Variants in TSHZ3 observed in about 807,000 individuals in gnomAD.
TSHZ3 encodes teashirt homolog 3.
A neutral mutation model predicts 64.5 loss-of-function variants in TSHZ3; 10 were observed. The ratio of observed to expected loss-of-function variants is 0.16; its 90% CI spans 0.10 to 0.26. The LOEUF (loss-of-function observed/expected upper bound fraction) is 0.26, where lower values mean the gene tolerates loss of function less well. Among genes scored for constraint, TSHZ3 ranks in the 10% least tolerant of loss-of-function variants. TSHZ3 has a pLI of 1.00. For missense variants in TSHZ3, 1,242 were observed against 1,421.7 expected, an observed-to-expected ratio of 0.87 and a Z score of 2.03; for synonymous variants, 608 against 593.1, an observed-to-expected ratio of 1.03 and a Z score of -0.36.
intron 4 of TSHZ3, among the ~76,000 whole-genome samples, chr19:31,207,964 C>T (rs1016887812): frequency 1.3e-5 from 2 of 152,178 alleles, no homozygotes; most frequent in African/African-American, 4.8e-5. Context: ...AGGACAAGCT[C>T]CTTGTTCTAA....
intron 1 of TSHZ3, among the ~76,000 whole-genome samples, chr19:31,301,639 C>G (rs1287507897): frequency 6.6e-6 from 1 of 152,170 alleles, no homozygotes; most frequent in East Asian, 1.9e-4. Flanking sequence ...CAAGGTCCAC[C>G]CTCAGGCCTC....
chr19:31,234,052 A>G (rs1975575975), intron 3 of TSHZ3, among the ~76,000 whole-genome samples: 1 of 152,078 alleles, frequency 6.6e-6, no homozygotes, highest in Admixed American at 6.6e-5. Flanking sequence ...CTAACAGGAC[A>G]TGTCTTTCAG....
At chr19:31,209,510 T>C (rs1357875055) in intron 4 of TSHZ3, among the ~76,000 whole-genome samples, 1 of 152,186 alleles carries the variant, frequency 6.6e-6, no homozygotes, top group Admixed American at 6.5e-5. Context: ...TAGGAGCAGT[T>C]TGTGCCTGTT....
intron 1 of TSHZ3, among the ~76,000 whole-genome samples, chr19:31,286,372 T>C (rs1249892230): frequency 6.6e-6 from 1 of 152,142 alleles, no homozygotes; most frequent in East Asian, 1.9e-4. Flanking sequence ...GCCCACATGA[T>C]GGAAAAACAA....
At position 31,176,788 on chromosome 19, in the gene TSHZ3, A is replaced by C. The variant is rs1332926048; in HGVS notation, n.810-20371T>G. 2.6e-5 allele frequency among the ~76,000 whole-genome samples: 4 copies of C among 152,034 alleles called. No homozygotes were observed. In the East Asian group the frequency reaches 7.7e-4, roughly 29 times the overall value. ...CTGGGTGACAGAGACTCTGTCTCTT[A>C]AAAAAAGGAAATACTGAAAAACAAC... is the stretch of plus-strand genomic sequence containing the variant. On this transcript the variant is annotated intron_variant and non_coding_transcript_variant, in intron 5 of 6. Transcript: ENST00000651361.
chr19:31,218,083 A>G (rs1297300465), intron 4 of TSHZ3, among the ~76,000 whole-genome samples: 1 of 152,234 alleles, frequency 6.6e-6, no homozygotes. Context: ...CTCCTCTGTG[A>G]AAGACACTGC....
At chr19:31,265,339 G>A (rs1310538878) in intron 1 of TSHZ3, among the ~76,000 whole-genome samples, 1 of 135,486 alleles carries the variant, frequency 7.4e-6, no homozygotes, top group Non-Finnish European at 1.5e-5. Context: ...GGAGGTTGCA[G>A]TGAGCCAAAG....
At chr19:31,261,091 A>G (rs1055869966) in intron 1 of TSHZ3, among the ~76,000 whole-genome samples, 5 of 152,080 alleles carry the variant, frequency 3.3e-5, no homozygotes, top group African/African-American at 1.2e-4. Flanking sequence ...GGAAACTTAT[A>G]TCCTCCTGTG....
chr19:31,348,420 A>T (rs2021579005), intron 1 of TSHZ3, among the ~76,000 whole-genome samples: 1 of 152,056 alleles, frequency 6.6e-6, no homozygotes, highest in East Asian at 1.9e-4. Flanking sequence ...GAAAAGAAAA[A>T]AATCGGCTCA....
intron 1 of TSHZ3, among the ~76,000 whole-genome samples, chr19:31,307,316 C>T (rs994182927): frequency 6.6e-6 from 1 of 152,054 alleles, no homozygotes; most frequent in Non-Finnish European, 1.5e-5. Flanking sequence ...TGCTCCCCCT[C>T]CCCATGTTCT....
At chr19:31,232,403 C>T (rs1599595982) in intron 3 of TSHZ3, among the ~76,000 whole-genome samples, 1 of 152,174 alleles carries the variant, frequency 6.6e-6, no homozygotes, top group Non-Finnish European at 1.5e-5. Flanking sequence ...TGAGAGGCTG[C>T]TCCAATCTGA....
At chr19:31,291,777 ACACT>A (rs1289451660) in intron 1 of TSHZ3, among the ~76,000 whole-genome samples, 1 of 152,226 alleles carries the variant, frequency 6.6e-6, no homozygotes, top group Non-Finnish European at 1.5e-5. Flanking sequence ...GGGAGTCCAT[ACACT>A]CACTCTGTGT....
At chr19:31,257,838 G>A (rs558077076) in intron 1 of TSHZ3, among the ~76,000 whole-genome samples, 50 of 152,320 alleles carry the variant, frequency 3.3e-4, no homozygotes, top group African/African-American at 1.1e-3. Context: ...AGTTGGGCAC[G>A]AAAGCAGATC....
intron 4 of TSHZ3, among the ~76,000 whole-genome samples, chr19:31,214,665 T>A (rs1023266788): frequency 6.6e-6 from 1 of 152,026 alleles, no homozygotes; most frequent in Non-Finnish European, 1.5e-5. Context: ...TCCCAGCACT[T>A]TGGGAGGCCA....
At chr19:31,154,499 AC>A (rs1974278880) in intron 6 of TSHZ3, among the ~76,000 whole-genome samples, 1 of 152,200 alleles carries the variant, frequency 6.6e-6, no homozygotes, top group African/African-American at 2.4e-5. Context: ...GTAGAAAAAA[AC>A]CAGGTTCCTG....
Position 31,278,801 on chromosome 19 carries a change from G to T in TSHZ3, c.992C>A (p.Pro331His), listed in dbSNP as rs369970992. The change falls in exon 2 of 2, where the codon CCC becomes CAC. Residue 331 changes from proline (P) to histidine (H), a missense_variant. Physicochemically the swap from Pro to His is moderately conservative, Grantham distance 77 (BLOSUM62 -2). Around this residue, in one of 4 missense-constraint regions of TSHZ3, gnomAD observed 555 missense variants for 704.0 expected, o/e 0.79. Coordinates refer to ENST00000240587, the MANE Select transcript of TSHZ3 (RefSeq NM_020856.4). This position sits in a 1 kb window ranked among gnomAD's most constrained non-coding sequence, Gnocchi z 4.7. ...RKKASLELEL[P>H]SSPDSTGGTP... ...TCCACCTGTGGAATCTGGGGAGCTG[G>T]GGAGCTCCAGCTCCAGGGAAGCTTT... 3.1e-6 allele frequency: 5 copies of T among 1,614,048 alleles called. No homozygotes were observed. The African/African-American group carries it at 6.7e-5, about 22-fold the overall frequency.
chr19:31,240,722 C>T (rs186314093), intron 3 of TSHZ3, among the ~76,000 whole-genome samples: 7 of 151,772 alleles, frequency 4.6e-5, no homozygotes, highest in Middle Eastern at 3.4e-3. Flanking sequence ...TCTTTTTTTC[C>T]GTATATGTTA....
intron 1 of TSHZ3, among the ~76,000 whole-genome samples, chr19:31,292,927 A>C (rs1976595572): frequency 6.9e-6 from 1 of 145,964 alleles, no homozygotes; most frequent in African/African-American, 2.5e-5. Context: ...CCAACCAAAA[A>C]CCCATCCATC....
At chr19:31,167,122 G>A (rs1974464826) in intron 5 of TSHZ3, among the ~76,000 whole-genome samples, 1 of 152,136 alleles carries the variant, frequency 6.6e-6, no homozygotes, top group Non-Finnish European at 1.5e-5. Context: ...AAGATGGACT[G>A]GAAATGTGAT....
Sources: gnomAD v4.1 joint callset for allele counts (sites outside exome capture counted in the v4.1 genomes callset) on GRCh38, gnomAD v4.1.1 for gene constraint, gnomAD v4.1.1 regional missense constraint, Gnocchi (gnomAD v3.1) non-coding constraint, MANE v1.5 for transcripts, NCBI Gene and HGNC (gene_info 2026-07-23, HGNC 2026-07-21) for gene names.